Variants in GLI3 observed in about 807,000 individuals in gnomAD.
The protein encoded by GLI3 is GLI family zinc finger 3, also known as transcription activator GLI3.
GLI3 carries 20 observed loss-of-function variants against 100.8 expected under a neutral mutation model. That is an observed-to-expected ratio of 0.20 (90% CI 0.14 to 0.29). The LOEUF is 0.29. Among genes scored for constraint, GLI3 ranks in the 10% least tolerant of loss-of-function variants. GLI3 has a pLI of 1.00. For missense variants in GLI3, 2,040 were observed against 2,128.5 expected (o/e 0.96, Z 0.82); for synonymous variants, 938 against 860.5 (o/e 1.09, Z -1.58).
chr7:42,202,692 G>A (rs1021889755), intron 2 of GLI3, among the ~76,000 whole-genome samples: 2 of 152,160 alleles, frequency 1.3e-5, no homozygotes, highest in Non-Finnish European at 2.9e-5. Flanking sequence ...TGAATGCATC[G>A]TCTTTTGCCA....
intron 12 of GLI3, among the ~76,000 whole-genome samples, chr7:41,976,077 T>C (rs1043928807): frequency 3.3e-5 from 5 of 152,168 alleles, no homozygotes; most frequent in Non-Finnish European, 5.9e-5. Flanking sequence ...AAAAACCTTG[T>C]ATCCATTAGC....
chr7:42,175,032 C>CGTCTGT (rs1448918711), intron 2 of GLI3, among the ~76,000 whole-genome samples: 1 of 152,088 alleles, frequency 6.6e-6, no homozygotes. Context: ...CTGTAAATGC[C>CGTCTGT]GTCTGTTACC....
intron 3 of GLI3, among the ~76,000 whole-genome samples, chr7:42,146,720 A>C (rs570373563): frequency 6.6e-6 from 1 of 152,362 alleles, no homozygotes; most frequent in South Asian, 2.1e-4. Flanking sequence ...GGTAGAAAGC[A>C]TGTAGGAGTC....
chr7:42,015,234 C>A (rs997768895), intron 10 of GLI3, among the ~76,000 whole-genome samples: 4 of 152,098 alleles, frequency 2.6e-5, no homozygotes, highest in Non-Finnish European at 4.4e-5. Flanking sequence ...AGATCTCCAA[C>A]ACATTATCTG....
intron 10 of GLI3, among the ~76,000 whole-genome samples, chr7:42,021,137 G>A (rs1788929910): frequency 6.6e-6 from 1 of 152,114 alleles, no homozygotes; most frequent in Non-Finnish European, 1.5e-5. Context: ...ACCTCAGACA[G>A]TAAGTAAAAA....
At chr7:41,978,186 C>T (rs980718902) in intron 11 of GLI3, among the ~76,000 whole-genome samples, 8 of 152,222 alleles carry the variant, frequency 5.3e-5, no homozygotes, top group Admixed American at 3.3e-4. Flanking sequence ...GCGGCACCCC[C>T]TTCCCATTCC....
At chr7:42,062,175 T>C (rs1443299016) in intron 4 of GLI3, among the ~76,000 whole-genome samples, 1 of 152,170 alleles carries the variant, frequency 6.6e-6, no homozygotes, top group Non-Finnish European at 1.5e-5. Flanking sequence ...ATGATCTCCA[T>C]TCTACTCACA....
chr7:42,210,090 A>G lies in GLI3; in HGVS notation c.124+13040T>C, dbSNP rs543757690. Among the ~76,000 whole-genome samples, 347 of 150,166 alleles carry G rather than the reference A, an allele frequency of 2.3e-3. 2 individuals carry two copies. The highest frequency in any genetic ancestry group is 7.9e-3 in the African/African-American group (325 of 40,950). On this transcript the variant is annotated intron_variant, in intron 2 of 14. Transcript: ENST00000395925. ...TTCACCCATTCTCAGATGCCTCTCC[A>G]TCAAGGTCAAGGGTTTTGGGATTGC... is the stretch of plus-strand genomic sequence containing the variant.
chr7:42,247,582 C>T (rs1176462883), intron 1 of GLI3, among the ~76,000 whole-genome samples: 3 of 152,200 alleles, frequency 2.0e-5, no homozygotes, highest in African/African-American at 7.2e-5. Flanking sequence ...GCTTCTTATT[C>T]TGCTTCCGTG....
intron 3 of GLI3, among the ~76,000 whole-genome samples, chr7:42,098,738 G>A (rs1361180935): frequency 1.3e-5 from 2 of 152,124 alleles, no homozygotes; most frequent in Non-Finnish European, 2.9e-5. Context: ...AATTACAAAT[G>A]TCCCTTATTC....
chr7:42,189,971 AACACACACACACAC>A lies in GLI3; in HGVS notation c.124+33145_124+33158del, dbSNP rs57107204. Among the ~76,000 whole-genome samples, 491 of 143,384 alleles carry A rather than the reference AACACACACACACAC, an allele frequency of 3.4e-3. 5 individuals carry two copies. The highest frequency in any genetic ancestry group is 0.019 in the East Asian group (91 of 4,760). 94.1% of individuals were successfully genotyped at this position (143,384 alleles called of 152,430 possible). A position where few individuals can be genotyped will look rare whatever the true frequency, so the allele number is the denominator to read the frequency against. On this transcript the variant is annotated intron_variant, in intron 2 of 14. Transcript: ENST00000395925. ...AACACATATATGTGTGCATGGGCTC[AACACACACACACAC>A]ACACACACACACACACACACACACA... is the stretch of plus-strand genomic sequence containing the variant.
chr7:42,034,402 T>A (rs846328), intron 7 of GLI3, among the ~76,000 whole-genome samples: 42,155 of 151,950 alleles, frequency 0.28, 6,042 homozygotes, highest in African/African-American at 0.36. Flanking sequence ...TAAACAGCCT[T>A]GTGGGGGGCC....
At chr7:42,200,805 GAA>G (rs35456550) in intron 2 of GLI3, among the ~76,000 whole-genome samples, 3 of 149,544 alleles carry the variant, frequency 2.0e-5, no homozygotes, top group African/African-American at 7.4e-5. Flanking sequence ...AAACTTTTCA[GAA>G]AAAAAAAATA....
intron 2 of GLI3, among the ~76,000 whole-genome samples, chr7:42,150,766 T>C (rs1191499848): frequency 6.6e-6 from 1 of 152,206 alleles, no homozygotes. Flanking sequence ...ATCCCTATAA[T>C]AAACCCTGTC....
rs1039928005 is a variant in GLI3 at position 41,964,070 on chromosome 7, T to TG, written c.*259_*260insC. ...AAAGGGGGCGGGGCTTACAGTTTTT[T>TG]TTTTTTTTTTTAAAAAGAGGGTGGT... On this transcript the variant is annotated 3_prime_UTR_variant, in exon 15 of 15. Transcript: ENST00000395925. 3.4e-5 allele frequency: 10 copies of TG among 298,004 alleles called. No homozygotes were observed. Among genetic ancestry groups the TG allele is most frequent in the East Asian group, 1.4e-4 (2 of 14,186 alleles). The allele number at this position is 298,004 out of a possible 1,614,324, so 18.5% of individuals were successfully genotyped here. A position where few individuals can be genotyped will look rare whatever the true frequency, so the allele number is the denominator to read the frequency against.
At chr7:42,040,729 T>G (rs1784119211) in intron 6 of GLI3, among the ~76,000 whole-genome samples, 1 of 152,198 alleles carries the variant, frequency 6.6e-6, no homozygotes, top group South Asian at 2.1e-4. Context: ...CAGTGCCCAG[T>G]GATTTCTAGA....
intron 10 of GLI3, among the ~76,000 whole-genome samples, chr7:41,991,642 T>C (rs890075396): frequency 3.9e-5 from 6 of 152,140 alleles, no homozygotes; most frequent in Non-Finnish European, 8.8e-5. Flanking sequence ...TTGTGTGCCA[T>C]GGGCAAAACA....
rs3779165 is a variant in GLI3, at chr7:42,176,705, T to A, written c.125-28237A>T. 2.2e-4 allele frequency among the ~76,000 whole-genome samples: 34 copies of A among 152,334 alleles called. 2 individuals are homozygous for A. In the East Asian group the frequency reaches 4.4e-3, roughly 20 times the overall value. ...GCATTCCCTCAAAGAAACTATTCCC[T>A]GAATCTTCACCTAGTTTTGCTGCTC... On this transcript the variant is annotated intron_variant, in intron 2 of 14. Coordinates refer to ENST00000395925, the MANE Select transcript of GLI3 (RefSeq NM_000168.6).
In GLI3 at chr7:42,025,336, G is replaced by T. The variant is rs1196110158; in HGVS notation, c.1284C>A (p.Asp428Glu). Residue 428 changes from aspartate (D) to glutamate (E), a missense_variant, in exon 9 of 15, where the codon GAC (aspartate) becomes GAA (glutamate). By Grantham distance (45) the Asp-to-Glu change is conservative. Around this residue, in one of 5 missense-constraint regions of GLI3, gnomAD observed 603 missense variants for 690.9 expected, o/e 0.87. Transcript: ENST00000395925. ...TCTTGGACCTCTTGTTGTGCATCGG[G>T]TCACCAGTGCTGCTCACTGCAGACT... is the stretch of plus-strand genomic sequence containing the variant. ...TSESAVSSTG[D>E]PMHNKRSKIK... 3.7e-6 allele frequency: 6 copies of T among 1,614,082 alleles called. No homozygotes were observed. Among genetic ancestry groups the T allele is most frequent in the Non-Finnish European group, 5.1e-6 (6 of 1,179,980 alleles).
Sources: gnomAD v4.1 joint callset for allele counts (sites outside exome capture counted in the v4.1 genomes callset) on GRCh38, gnomAD v4.1.1 for gene constraint, gnomAD v4.1.1 regional missense constraint, MANE v1.5 for transcripts, NCBI Gene and HGNC (gene_info 2026-07-23, HGNC 2026-07-21) for gene names.